Variants in TRPM7 observed in about 807,000 individuals in gnomAD.
TRPM7 encodes transient receptor potential cation channel subfamily M member 7.
TRPM7 carries 134 observed loss-of-function variants against 229.7 expected under a neutral mutation model. The ratio of observed to expected loss-of-function variants is 0.58; its 90% CI spans 0.51 to 0.67. The LOEUF is 0.67. Ranked by LOEUF, TRPM7 falls within the 30% of genes least tolerant of loss-of-function variation. TRPM7 has a pLI of 0.00. For synonymous variants in TRPM7, 699 were observed against 715.2 expected, an observed-to-expected ratio of 0.98 and a Z score of 0.36; for missense variants, 1,901 against 2,210.0, an observed-to-expected ratio of 0.86 and a Z score of 2.80.
chr15:50,573,098 A>T (rs913548874), intron 36 of TRPM7, among the ~76,000 whole-genome samples: 2 of 151,922 alleles, frequency 1.3e-5, no homozygotes, highest in African/African-American at 2.4e-5. Flanking sequence ...TTTCTTTTAT[A>T]TGTATGAAAC....
At position 50,580,859 on chromosome 15, in the gene TRPM7, A is replaced by G. The variant is rs976100896; in HGVS notation, c.4592+15T>C. The G allele has an allele frequency of 6.3e-6, 10 of 1,582,024 alleles. No homozygotes were observed. The highest frequency in any genetic ancestry group is 8.5e-6 in the Non-Finnish European group (10 of 1,170,396). ...TGATACTTCGCAAGCTAATGGTAAG[A>G]AAAAGCTTACTTACATTTCTCTGTT... On this transcript the variant is annotated intron_variant, in intron 30 of 38. Transcript: ENST00000646667.
intron 21 of TRPM7, chr15:50,599,518 G>C (rs577690343): frequency 2.6e-5 from 10 of 380,424 alleles, no homozygotes; most frequent in Non-Finnish European, 4.7e-5. Context: ...AGCTAAGCAA[G>C]TCATGGGCAT....
chr15:50,623,228 A>G (rs752210526), intron 12 of TRPM7, among the ~76,000 whole-genome samples: 11 of 152,080 alleles, frequency 7.2e-5, no homozygotes, highest in Non-Finnish European at 1.6e-4. Flanking sequence ...CCTGGCCAAC[A>G]TGGTGAAACC....
At chr15:50,627,655 AAAG>A (rs1426870033) in intron 11 of TRPM7, among the ~76,000 whole-genome samples, 1 of 152,208 alleles carries the variant, frequency 6.6e-6, no homozygotes, top group Non-Finnish European at 1.5e-5. Context: ...AAATAACACA[AAAG>A]AAGGATGACA....
chr15:50,610,924 A>AG (rs1473910870), intron 17 of TRPM7, among the ~76,000 whole-genome samples, 169 bp downstream of exon 17: 1 of 152,192 alleles, frequency 6.6e-6, no homozygotes, highest in Non-Finnish European at 1.5e-5. Flanking sequence ...AGAGGAAAAA[A>AG]GAAGCCCATT....
At position 50,560,931 on chromosome 15, in the gene TRPM7, A is replaced by T. The variant is rs2053285446; in HGVS notation, c.*747T>A. 1 of 152,624 alleles carries T rather than the reference A, an allele frequency of 6.6e-6. No individual in the cohort carries two copies. Among genetic ancestry groups the T allele is most frequent in the Admixed American group, 6.6e-5 (1 of 15,266 alleles). 9.5% of individuals were successfully genotyped at this position (152,624 alleles called of 1,614,324 possible). A position where few individuals can be genotyped will look rare whatever the true frequency, so the allele number is the denominator to read the frequency against. On this transcript the variant is annotated 3_prime_UTR_variant, in exon 39 of 39. Coordinates refer to ENST00000646667, the MANE Select transcript of TRPM7 (RefSeq NM_017672.6). ...AGTTAGGTTTCTGCTTTTATAATTTAGGTTATGTATCAGTTTACCATGGCT... is the reference window on the plus strand; with the variant it reads ...AGTTAGGTTTCTGCTTTTATAATTTTGGTTATGTATCAGTTTACCATGGCT...
intron 19 of TRPM7, 54 bp downstream of exon 19, chr15:50,609,527 T>TC: frequency 6.6e-7 from 1 of 1,508,254 alleles, no homozygotes; most frequent in Admixed American, 2.2e-5. Context: ...GAACCAATGG[T>TC]CCCCCAAAGC....
intron 38 of TRPM7, among the ~76,000 whole-genome samples, chr15:50,565,998 A>G (rs934072335): frequency 3.3e-5 from 5 of 151,648 alleles, no homozygotes; most frequent in African/African-American, 1.2e-4. Flanking sequence ...TAATTTTTGT[A>G]TTTTTTAGTA....
chr15:50,585,057 T>TTG (rs1341371729), intron 28 of TRPM7, among the ~76,000 whole-genome samples: 5 of 139,776 alleles, frequency 3.6e-5, no homozygotes, highest in Non-Finnish European at 6.2e-5. Context: ...TGTATTTTTT[T>TTG]TTTTTTTTTT....
At chr15:50,577,619 C>T (rs1216048809) in intron 31 of TRPM7, among the ~76,000 whole-genome samples, 1 of 152,012 alleles carries the variant, frequency 6.6e-6, no homozygotes, top group Non-Finnish European at 1.5e-5. Context: ...GGCAGGGACC[C>T]CAAACTGGTA....
intron 3 of TRPM7, among the ~76,000 whole-genome samples, chr15:50,650,096 G>C (rs941838138): frequency 6.7e-6 from 1 of 150,138 alleles, no homozygotes; most frequent in East Asian, 2.0e-4. Context: ...AGGAGGCTGA[G>C]GCAGGAGAAT....
intron 29 of TRPM7, among the ~76,000 whole-genome samples, chr15:50,582,829 TGGAAA>T (rs1285340456): frequency 1.3e-5 from 2 of 152,212 alleles, no homozygotes; most frequent in Non-Finnish European, 2.9e-5. Context: ...CGCAGTTAGC[TGGAAA>T]TGAGTTCATA....
At chr15:50,578,863 T>G (rs1467906166) in intron 30 of TRPM7, among the ~76,000 whole-genome samples, 199 bp from the exon 31 acceptor site, 2 of 150,894 alleles carry the variant, frequency 1.3e-5, no homozygotes, top group Non-Finnish European at 3.0e-5. Context: ...TATATATATA[T>G]CCATATGTAT....
intron 27 of TRPM7, among the ~76,000 whole-genome samples, chr15:50,588,691 C>T (rs574690349): frequency 1.3e-5 from 2 of 152,250 alleles, no homozygotes; most frequent in East Asian, 3.9e-4. Context: ...AGCTTAACAC[C>T]TTTCTAGGTG....
chr15:50,642,229 G>A (rs1409807450), intron 5 of TRPM7, among the ~76,000 whole-genome samples: 1 of 152,120 alleles, frequency 6.6e-6, no homozygotes, highest in African/African-American at 2.4e-5. Flanking sequence ...ACCACTAGAA[G>A]GAAAGTGATG....
intron 15 of TRPM7, among the ~76,000 whole-genome samples, chr15:50,613,392 C>A (rs2060117702): frequency 6.7e-6 from 1 of 150,124 alleles, no homozygotes; most frequent in African/African-American, 2.5e-5. Context: ...GTCTCAGCTA[C>A]TCGGGAGGCT....
At chr15:50,570,651 T>C (rs978221543) in intron 36 of TRPM7, among the ~76,000 whole-genome samples, 1 of 138,084 alleles carries the variant, frequency 7.2e-6, no homozygotes, top group African/African-American at 2.8e-5. Context: ...GAGACCAGCC[T>C]GACCAACATG....
chr15:50,677,531 A>G (rs62017243), intron 1 of TRPM7, among the ~76,000 whole-genome samples: 52,995 of 150,962 alleles, frequency 0.35, 10,456 homozygotes, highest in Admixed American at 0.48. Context: ...GCAAGGTCAG[A>G]AGTTTGAGAC....
In TRPM7 at chr15:50,574,893, T is replaced by C. The variant is rs189611274; in HGVS notation, c.4978A>G (p.Ser1660Gly). Residue 1660 changes from serine (S) to glycine (G), a missense_variant, in exon 34 of 39, where the codon AGT becomes GGT. Coordinates refer to ENST00000646667, the MANE Select transcript of TRPM7 (RefSeq NM_017672.6). Reference sequence around the variant, plus strand: ...AGAACTGTATCTTCTTTGTAAATACTTGACCATGTATTAACCACCTCTGGA... The same window carrying C: ...AGAACTGTATCTTCTTTGTAAATACCTGACCATGTATTAACCACCTCTGGA... ...FLPEVVNTWSSIYKEDTVLHL... is the reference protein window; with the variant it reads ...FLPEVVNTWSGIYKEDTVLHL... The C allele has an allele frequency of 1.9e-5, 30 of 1,613,326 alleles. No homozygotes were observed. The highest frequency in any genetic ancestry group is 1.9e-5 in the Non-Finnish European group (22 of 1,179,312).
Sources: allele counts gnomAD v4.1 joint callset (sites outside exome capture counted in the v4.1 genomes callset), GRCh38; gene constraint gnomAD v4.1.1; transcripts MANE v1.5; gene names NCBI Gene and HGNC (gene_info 2026-07-23, HGNC 2026-07-21).